Variants in ADK observed in about 807,000 individuals in gnomAD.
ADK encodes adenosine kinase.
In ADK, 24 loss-of-function variants were observed where a neutral mutation model predicts 44.7. The ratio of observed to expected loss-of-function variants is 0.54; its 90% CI spans 0.39 to 0.76. The LOEUF is 0.76. Among genes scored for constraint, ADK ranks in the 30% least tolerant of loss-of-function variants. The pLI is 0.00. For missense variants in ADK, 321 were observed against 425.1 expected (o/e 0.76, Z 2.15); for synonymous variants, 128 against 142.6 (o/e 0.90, Z 0.73).
At chr10:74,441,212 T>A (rs1292193380) in intron 6 of ADK, among the ~76,000 whole-genome samples, 1 of 152,192 alleles carries the variant, frequency 6.6e-6, no homozygotes, top group Non-Finnish European at 1.5e-5. Context: ...GACAGTGGCA[T>A]AACCATGTGA....
chr10:74,646,616 C>A (rs1489888635), intron 9 of ADK, among the ~76,000 whole-genome samples: 1 of 152,194 alleles, frequency 6.6e-6, no homozygotes, highest in East Asian at 1.9e-4. Context: ...GCCTTCATTG[C>A]TGTTGCTTTT....
intron 9 of ADK, among the ~76,000 whole-genome samples, chr10:74,654,389 C>T (rs138519360): frequency 2.2e-4 from 33 of 152,320 alleles, no homozygotes; most frequent in Non-Finnish European, 2.9e-4. Flanking sequence ...CCTAAGAGTC[C>T]ATGGTCTCTT....
At chr10:74,411,020 T>C (rs1387275622) in intron 6 of ADK, among the ~76,000 whole-genome samples, 2 of 152,226 alleles carry the variant, frequency 1.3e-5, no homozygotes, top group Non-Finnish European at 2.9e-5. Flanking sequence ...AACTCGTATG[T>C]GTTAGAACTC....
rs766573271 is a variant in ADK, at chr10:74,349,867, C to T, written c.273+35122C>T. On this transcript the variant is annotated intron_variant, in intron 4 of 10. Coordinates refer to ENST00000539909, the MANE Select transcript of ADK (RefSeq NM_006721.4). Reference sequence around the variant, plus strand: ...GGATCAATGCAACAAGAAGAGCTATCGTAAATATATATGCACCCACTACAG... The same window carrying T: ...GGATCAATGCAACAAGAAGAGCTATTGTAAATATATATGCACCCACTACAG... Among the ~76,000 whole-genome samples the T allele has an allele frequency of 6.6e-5, 10 of 152,220 alleles. No individual in the cohort carries two copies. The East Asian group carries it at 1.4e-3, about 21-fold the overall frequency.
At chr10:74,665,779 G>GAGAGAGAGACAGAC (rs1449559030) in intron 9 of ADK, among the ~76,000 whole-genome samples, 3 of 138,926 alleles carry the variant, frequency 2.2e-5, no homozygotes, top group African/African-American at 8.3e-5. Flanking sequence ...GAGAGAGAGA[G>GAGAGAGAGACAGAC]AGACAGACAG....
At chr10:74,607,118 CGT>C (rs1564816539) in intron 9 of ADK, among the ~76,000 whole-genome samples, 1 of 152,038 alleles carries the variant, frequency 6.6e-6, no homozygotes, top group East Asian at 1.9e-4. Context: ...TTTGAACCTA[CGT>C]GTGTCTTTGC....
chr10:74,290,155 G>T (rs925365045), intron 3 of ADK, among the ~76,000 whole-genome samples: 1 of 151,714 alleles, frequency 6.6e-6, no homozygotes, highest in Non-Finnish European at 1.5e-5. Context: ...CTAAATCTAA[G>T]GTCTCAAAAG....
intron 9 of ADK, among the ~76,000 whole-genome samples, chr10:74,629,682 T>C (rs756956861): frequency 6.6e-6 from 1 of 152,202 alleles, no homozygotes; most frequent in Admixed American, 6.5e-5. Context: ...ATTTACAGTA[T>C]GAATTTTACC....
chr10:74,623,267 T>C (rs115656452), intron 9 of ADK, among the ~76,000 whole-genome samples: 1 of 152,164 alleles, frequency 6.6e-6, no homozygotes, highest in Non-Finnish European at 1.5e-5. Context: ...AAGAATTATC[T>C]GGCCCAAATT....
At chr10:74,672,413 A>T (rs1235655627) in intron 10 of ADK, among the ~76,000 whole-genome samples, 5 of 152,206 alleles carry the variant, frequency 3.3e-5, no homozygotes, top group African/African-American at 1.2e-4. Context: ...TCTTTAAATC[A>T]TGGGCAGCTT....
chr10:74,596,874 T>A (rs1851945396), intron 8 of ADK, among the ~76,000 whole-genome samples: 1 of 152,208 alleles, frequency 6.6e-6, no homozygotes, highest in Non-Finnish European at 1.5e-5. Flanking sequence ...GCTTTATACA[T>A]GGCTTTTAGT....
At chr10:74,395,830 C>CCA (rs973967697) in intron 5 of ADK, among the ~76,000 whole-genome samples, 4 of 152,082 alleles carry the variant, frequency 2.6e-5, no homozygotes, top group African/African-American at 9.7e-5. Context: ...ACCAGCCTGG[C>CCA]CAACATGGTG....
intron 4 of ADK, chr10:74,372,189 G>A: frequency 2.6e-6 from 2 of 757,872 alleles, no homozygotes; most frequent in Non-Finnish European, 4.8e-6. Context: ...TGCTGAAAAG[G>A]CTGTGACCAA....
At position 74,677,545 on chromosome 10, in the gene ADK, C is replaced by G. The variant is rs187365492; in HGVS notation, c.964+7276C>G. Among the ~76,000 whole-genome samples, 45 of 152,224 alleles carry G rather than the reference C, an allele frequency of 3.0e-4. 1 individual carries two copies. Among genetic ancestry groups the G allele is most frequent in the Middle Eastern group, 6.8e-3 (2 of 292 alleles). On this transcript the variant is annotated intron_variant, in intron 10 of 10. Coordinates refer to ENST00000539909, the MANE Select transcript of ADK (RefSeq NM_006721.4). ...GGGATTTGTTTTTTCTACACTACCC[C>G]CTTCCTTTGCTCTCCATCTCAGAAG...
intron 3 of ADK, among the ~76,000 whole-genome samples, chr10:74,251,524 A>G (rs1483424814): frequency 6.6e-6 from 1 of 152,214 alleles, no homozygotes; most frequent in Non-Finnish European, 1.5e-5. Flanking sequence ...TTTAGGTAAA[A>G]TGCTAAGCAT....
chr10:74,699,213 C>T (rs1334612326), intron 10 of ADK, among the ~76,000 whole-genome samples: 2 of 150,142 alleles, frequency 1.3e-5, no homozygotes, highest in Non-Finnish European at 3.0e-5. Context: ...TTACCAACCA[C>T]ACTCTGGGGC....
At chr10:74,282,632 A>G (rs767166216) in intron 3 of ADK, among the ~76,000 whole-genome samples, 11 of 152,186 alleles carry the variant, frequency 7.2e-5, no homozygotes, top group Non-Finnish European at 1.3e-4. Flanking sequence ...AATAACCATG[A>G]TGATGAGAAC....
chr10:74,702,810 G>C (rs940523415), intron 10 of ADK, among the ~76,000 whole-genome samples: 14 of 151,972 alleles, frequency 9.2e-5, no homozygotes, highest in African/African-American at 3.4e-4. Flanking sequence ...TGTTGGCCAG[G>C]CTGGTCTCAA....
At chr10:74,334,866 C>T (rs561935332) in intron 4 of ADK, among the ~76,000 whole-genome samples, 46 of 152,228 alleles carry the variant, frequency 3.0e-4, no homozygotes, top group Non-Finnish European at 4.9e-4. Context: ...TACATATCTG[C>T]GTTCCTAGCC....
Sources: gnomAD v4.1 joint callset for allele counts (sites outside exome capture counted in the v4.1 genomes callset) on GRCh38, gnomAD v4.1.1 for gene constraint, MANE v1.5 for transcripts, NCBI Gene and HGNC (gene_info 2026-07-23, HGNC 2026-07-21) for gene names.